ITGBL1: variants seen among roughly 807,000 people sequenced by gnomAD.
The protein encoded by ITGBL1 is integrin subunit beta like 1.
In ITGBL1, 51 loss-of-function variants were observed where a neutral mutation model predicts 68.5. The observed-to-expected ratio is 0.74, with a 90% CI of 0.59 to 0.94. The LOEUF is 0.94. Ranked by LOEUF, ITGBL1 falls within the 40% of genes least tolerant of loss-of-function variation. The pLI is 0.00. For missense variants in ITGBL1, 649 were observed against 647.4 expected (o/e 1.00, Z -0.03); for synonymous variants, 209 against 227.3 (o/e 0.92, Z 0.72).
chr13:101,698,097 A>T (rs1440536692), intron 8 of ITGBL1, among the ~76,000 whole-genome samples: 1 of 152,202 alleles, frequency 6.6e-6, no homozygotes, highest in Non-Finnish European at 1.5e-5. Context: ...AAAATAAGAG[A>T]GTCACTCATT....
At chr13:101,527,413 G>A (rs1248052218) in intron 2 of ITGBL1, among the ~76,000 whole-genome samples, 1 of 152,036 alleles carries the variant, frequency 6.6e-6, no homozygotes, top group Non-Finnish European at 1.5e-5. Context: ...CATCCATGCT[G>A]TTGCATATAG....
intron 2 of ITGBL1, among the ~76,000 whole-genome samples, chr13:101,481,974 G>A (rs78213048): frequency 0.052 from 7,964 of 152,026 alleles, 263 homozygotes; most frequent in South Asian, 0.13. Context: ...AATTTAGAAG[G>A]CAATATTTGG....
At chr13:101,547,404 TAA>T (rs1440497925) in intron 2 of ITGBL1, among the ~76,000 whole-genome samples, 1 of 151,954 alleles carries the variant, frequency 6.6e-6, no homozygotes, top group Non-Finnish European at 1.5e-5. Context: ...TATTTTTAAT[TAA>T]AAGATTAATT....
chr13:101,659,269 T>A (rs1264039261), intron 7 of ITGBL1, among the ~76,000 whole-genome samples: 1 of 152,114 alleles, frequency 6.6e-6, no homozygotes, highest in South Asian at 2.1e-4. Context: ...ATATTTCAAT[T>A]GATTTTCTTC....
At chr13:101,534,769 C>T (rs1354525960) in intron 2 of ITGBL1, among the ~76,000 whole-genome samples, 5 of 152,122 alleles carry the variant, frequency 3.3e-5, no homozygotes, top group African/African-American at 1.2e-4. Flanking sequence ...GCTTATTAAG[C>T]TGTGTTGAGT....
intron 2 of ITGBL1, among the ~76,000 whole-genome samples, chr13:101,548,044 C>G (rs974260945): frequency 1.3e-5 from 2 of 150,232 alleles, no homozygotes; most frequent in South Asian, 4.2e-4. Flanking sequence ...CTTGTTACCA[C>G]CAAGTGCTTA....
intron 7 of ITGBL1, among the ~76,000 whole-genome samples, chr13:101,611,868 C>A (rs565336451): frequency 6.6e-6 from 1 of 152,254 alleles, no homozygotes; most frequent in Admixed American, 6.5e-5. Flanking sequence ...TCATAGCAGA[C>A]TTTGTGTCTG....
At chr13:101,647,830 G>A (rs2032612466) in intron 7 of ITGBL1, among the ~76,000 whole-genome samples, 1 of 152,180 alleles carries the variant, frequency 6.6e-6, no homozygotes, top group Non-Finnish European at 1.5e-5. Flanking sequence ...TTTCTCCAAA[G>A]CATTTGCCAA....
intron 7 of ITGBL1, among the ~76,000 whole-genome samples, chr13:101,640,562 ACTTTT>A (rs1386897535): frequency 6.6e-6 from 1 of 151,964 alleles, no homozygotes; most frequent in African/African-American, 2.4e-5. Context: ...AAGAACGCAC[ACTTTT>A]CTTATTTAGC....
At chr13:101,579,078 G>A (rs778693665) in intron 4 of ITGBL1, among the ~76,000 whole-genome samples, 5 of 152,142 alleles carry the variant, frequency 3.3e-5, no homozygotes, top group Non-Finnish European at 7.3e-5. Context: ...CAAGTTAAAG[G>A]ACACTTTGCT....
chr13:101,604,317 C>A (rs908444794), intron 7 of ITGBL1, among the ~76,000 whole-genome samples: 8 of 151,998 alleles, frequency 5.3e-5, no homozygotes, highest in African/African-American at 1.9e-4. Context: ...TGGAGATTCA[C>A]TAACTTATTT....
intron 2 of ITGBL1, among the ~76,000 whole-genome samples, chr13:101,491,704 C>T (rs1164794052): frequency 1.3e-5 from 2 of 152,082 alleles, no homozygotes; most frequent in African/African-American, 4.8e-5. Flanking sequence ...TATACACATG[C>T]CATGGTGGTT....
intron 2 of ITGBL1, among the ~76,000 whole-genome samples, chr13:101,529,125 G>C (rs2049430199): frequency 6.6e-6 from 1 of 151,790 alleles, no homozygotes. Flanking sequence ...CATGGATAAT[G>C]CTTTAAGAAA....
chr13:101,639,187 A>G (rs1195719969), intron 7 of ITGBL1, among the ~76,000 whole-genome samples: 1 of 152,196 alleles, frequency 6.6e-6, no homozygotes, highest in Non-Finnish European at 1.5e-5. Context: ...GATAGTATTC[A>G]GAGTATTCGC....
intron 7 of ITGBL1, among the ~76,000 whole-genome samples, chr13:101,682,015 A>T (rs1455119373): frequency 4.6e-5 from 7 of 152,198 alleles, no homozygotes; most frequent in Non-Finnish European, 8.8e-5. Flanking sequence ...CCAGAAGTTG[A>T]CAACTTTCCA....
chr13:101,708,873 G>A (rs2034322884), intron 9 of ITGBL1, among the ~76,000 whole-genome samples: 1 of 152,210 alleles, frequency 6.6e-6, no homozygotes, highest in Admixed American at 6.5e-5. Context: ...TAAAGCAATC[G>A]CTTTGTGCCT....
chr13:101,579,799 G>T (rs192272849), intron 5 of ITGBL1, among the ~76,000 whole-genome samples: 2 of 152,080 alleles, frequency 1.3e-5, no homozygotes, highest in African/African-American at 4.8e-5. Context: ...CTAATTATCC[G>T]TAGAGAATTC....
intron 6 of ITGBL1, among the ~76,000 whole-genome samples, chr13:101,592,715 G>A (rs1380267317): frequency 6.6e-6 from 1 of 152,012 alleles, no homozygotes; most frequent in Non-Finnish European, 1.5e-5. Context: ...TGGAGAAATT[G>A]GATATCCATA....
chr13:101,467,874 G>C (rs1008567412), intron 2 of ITGBL1, among the ~76,000 whole-genome samples: 17 of 152,084 alleles, frequency 1.1e-4, no homozygotes, highest in Middle Eastern at 3.4e-3. Context: ...GGAAAGGTAG[G>C]CTAAATTTTT....
Sources: allele counts gnomAD v4.1 joint callset (sites outside exome capture counted in the v4.1 genomes callset), GRCh38; gene constraint gnomAD v4.1.1; transcripts MANE v1.5; gene names NCBI Gene and HGNC (gene_info 2026-07-23, HGNC 2026-07-21).